SIGLEC11: variants seen among roughly 807,000 people sequenced by gnomAD.
The protein encoded by SIGLEC11 is sialic acid binding Ig like lectin 11.
Under a neutral mutation model 61.2 loss-of-function variants are expected in SIGLEC11, and 47 were observed. The observed-to-expected ratio is 0.77, with a 90% confidence interval of 0.61 to 0.98. The LOEUF is 0.98. SIGLEC11 is among the 50% of genes least tolerant of loss of function. The pLI is 0.00. For synonymous variants in SIGLEC11, 278 were observed against 373.1 expected, an observed-to-expected ratio of 0.75 and a Z score of 2.94; for missense variants, 610 against 870.3, an observed-to-expected ratio of 0.70 and a Z score of 3.76.
In SIGLEC11 at chr19:49,951,762, T is replaced by C. The variant is rs1166180719; in HGVS notation, c.1830+129A>G. The stretch of plus-strand genomic sequence containing the variant: ...CCAGATCATGGGACTTGGGACTGCA[T>C]TGATGGGGACCCAGGAGCAAAACCC... On this transcript the variant is annotated intron_variant, in intron 10 of 10. Coordinates refer to ENST00000447370, the MANE Select transcript of SIGLEC11 (RefSeq NM_052884.3). This position sits in a 1 kb window ranked among gnomAD's most constrained non-coding sequence, Gnocchi z 4.6. 6 of 751,908 alleles carry C rather than the reference T, an allele frequency of 8.0e-6. No individual in the cohort carries two copies. Among genetic ancestry groups the C allele is most frequent in the Non-Finnish European group, 1.2e-5 (6 of 490,232 alleles). 46.6% of individuals were successfully genotyped at this position (751,908 alleles called of 1,614,324 possible).
At position 49,950,025 on chromosome 19, in the gene SIGLEC11, C is replaced by T. The variant is rs373704230; in HGVS notation, c.2042G>A (p.Gly681Asp). Residue 681 changes from glycine to aspartate, a missense_variant, in exon 11 of 11, where the codon GGC (glycine) becomes GAC (aspartate). Gly to Asp is a moderately conservative substitution (Grantham distance 94, BLOSUM62 -1). This residue lies in a region of SIGLEC11 where 432 missense variants were observed against 441.5 expected (regional missense o/e 0.98). Coordinates refer to ENST00000447370, the MANE Select transcript of SIGLEC11 (RefSeq NM_052884.3). Reference sequence around the variant, plus strand: ...CTCCAATTGAAGCCCAAAGCCTGGGCCCCTCAGGGGCTGTCCTGTGTGGAT... The same window carrying T: ...CTCCAATTGAAGCCCAAAGCCTGGGTCCCTCAGGGGCTGTCCTGTGTGGAT... Reference protein sequence around the residue: ...IKIHTGQPLRGPGFGLQLERE... With the variant: ...IKIHTGQPLRDPGFGLQLERE... The T allele has an allele frequency of 4.3e-5, 66 of 1,545,666 alleles. 1 individual carries two copies. The African/African-American group carries it at 8.6e-4, about 20-fold the overall frequency.
At chr19:49,958,952 C>T in intron 6 of SIGLEC11, 52 bp from the exon 7 acceptor site, 2 of 1,612,638 alleles carry the variant, frequency 1.2e-6, no homozygotes, top group East Asian at 2.2e-5. Context: ...CAGGGACCCT[C>T]CTGTGTGGGG....
At chr19:49,954,443 TGAGCTATGCAAATGCCTGCTC>T (rs1049227926) in intron 8 of SIGLEC11, among the ~76,000 whole-genome samples, 2 of 152,162 alleles carry the variant, frequency 1.3e-5, no homozygotes, top group Non-Finnish European at 2.9e-5. Context: ...TGGCCGTGCT[TGAGCTATGCAAATGCCTGCTC>T]GAGCTATGCA....
rs1262731599 is a variant in SIGLEC11, at chr19:49,950,137, A to T, written c.1930T>A (p.Tyr644Asn). The T allele has an allele frequency of 1.9e-6, 3 of 1,612,992 alleles. No homozygotes were observed. The East Asian group carries it at 6.7e-5, about 36-fold the overall frequency. ...AGGCCCTGGAAGCTGAGGGAGGCAT[A>T]GTGGAGCTCCTGCTCTTCCCCCTTC... ...PGKGEEQELH[Y>N]ASLSFQGLRL... Residue 644 changes from tyrosine (Y) to asparagine (N), a missense_variant, in exon 11 of 11, where the codon TAT (tyrosine) becomes AAT (asparagine). Around this residue, in one of 6 missense-constraint regions of SIGLEC11, gnomAD observed 432 missense variants for 441.5 expected, o/e 0.98. Transcript: ENST00000447370.
chr19:49,951,055 G>A lies in SIGLEC11; in HGVS notation c.1831-819C>T, dbSNP rs1382641725. Among the ~76,000 whole-genome samples the A allele has an allele frequency of 6.6e-6, 1 of 152,216 alleles. No homozygotes were observed. Among genetic ancestry groups the A allele is most frequent in the East Asian group, 1.9e-4 (1 of 5,196 alleles). On this transcript the variant is annotated intron_variant, in intron 10 of 10. Coordinates refer to ENST00000447370, the MANE Select transcript of SIGLEC11 (RefSeq NM_052884.3). This position sits in a 1 kb window ranked among gnomAD's most constrained non-coding sequence, Gnocchi z 4.6. Reference sequence around the variant, plus strand: ...CATCCCTGTTGACCTGGGACCACAAGCCAGGCCACATAGTTTACGCCAGCA... The same window carrying A: ...CATCCCTGTTGACCTGGGACCACAAACCAGGCCACATAGTTTACGCCAGCA...
At chr19:49,952,046 AGCAGAGGCTGGAAGGCT>A in intron 9 of SIGLEC11, 74 bp from the exon 10 acceptor site, 1 of 1,453,986 alleles carries the variant, frequency 6.9e-7, no homozygotes, top group Non-Finnish European at 9.2e-7. Flanking sequence ...CACATGGCTT[AGCAGAGGCTGGAAGGCT>A]GCAGAGCCCA....
rs200783764 is a variant in SIGLEC11, at chr19:49,958,926, C to T, written c.1106-26G>A. ...CTAGGGAAGGAAGAGGCAGAATCGA[C>T]GTGCAGCTCAGGGCTCAGGGACCCT... On this transcript the variant is annotated intron_variant, in intron 6 of 10. Coordinates refer to ENST00000447370, the MANE Select transcript of SIGLEC11 (RefSeq NM_052884.3). 8,167 of 1,604,784 alleles carry T rather than the reference C, an allele frequency of 5.1e-3. 25 individuals carry two copies. Among genetic ancestry groups the T allele is most frequent in the Non-Finnish European group, 6.2e-3 (7,304 of 1,174,594 alleles).
rs773149758 is a variant in SIGLEC11 at position 49,959,427 on chromosome 19, C to T, written c.990G>A (p.Gly330=). The T allele has an allele frequency of 1.9e-6, 3 of 1,596,778 alleles. No homozygotes were observed. In the Admixed American group the frequency reaches 5.1e-5, roughly 27 times the overall value. Residue 330 remains glycine (G), a synonymous_variant, in exon 5 of 11, where the codon GGG becomes GGA. Transcript: ENST00000447370. Reference sequence around the variant, plus strand: ...TGTTCTCCGCTCGGCAGGTGTAGCGCCCTGAATCCCCGGCCCTTACCCCAC... The same window carrying T: ...TGTTCTCCGCTCGGCAGGTGTAGCGTCCTGAATCCCCGGCCCTTACCCCAC... ...ELRGVRAGDS[G]RYTCRAENRL...
At position 49,958,781 on chromosome 19, in the gene SIGLEC11, T is replaced by A. The variant is rs754522711; in HGVS notation, c.1225A>T (p.Thr409Ser). ...ARLSWTRWGQ[T>S]VGPSQPSDPG... is the part of the protein sequence containing the mutation. ...TCTGAGGGCTGGGAGGGGCCCACGGTCTGTCCCCACCGGGTCCAGCTCAGC... is the reference window on the plus strand; with the variant it reads ...TCTGAGGGCTGGGAGGGGCCCACGGACTGTCCCCACCGGGTCCAGCTCAGC... Residue 409 changes from threonine to serine, a missense_variant, in exon 7 of 11, where the codon ACC (threonine) becomes TCC (serine). Physicochemically the swap from Thr to Ser is moderately conservative, Grantham distance 58. Around this residue, in one of 6 missense-constraint regions of SIGLEC11, gnomAD observed 432 missense variants for 441.5 expected, o/e 0.98. Coordinates refer to ENST00000447370, the MANE Select transcript of SIGLEC11 (RefSeq NM_052884.3). 2.1e-5 allele frequency: 34 copies of A among 1,613,626 alleles called. No individual in the cohort carries two copies. The highest frequency in any genetic ancestry group is 2.9e-5 in the Non-Finnish European group (34 of 1,179,858).
Position 49,959,035 on chromosome 19 carries a change from C to T in SIGLEC11, c.1100G>A (p.Arg367Lys), listed in dbSNP as rs372082287. ...TCCTCTGTCTCCTTTCCTACCTGTCCTGTTTGCTTGGGAAACCATCACTCT... is the reference window on the plus strand; with the variant it reads ...TCCTCTGTCTCCTTTCCTACCTGTCTTGTTTGCTTGGGAAACCATCACTCT... ...NLRVMVSQAN[R>K]TVLENLGNGT... Residue 367 changes from arginine (R) to lysine (K), a missense_variant, in exon 6 of 11, where the codon AGG (arginine) becomes AAG (lysine). Physicochemically the swap from Arg to Lys is conservative, Grantham distance 26 (BLOSUM62 2). Transcript: ENST00000447370. The T allele has an allele frequency of 3.7e-6, 6 of 1,613,916 alleles. No individual in the cohort carries two copies. Among genetic ancestry groups the T allele is most frequent in the Non-Finnish European group, 4.2e-6 (5 of 1,179,844 alleles).
chr19:49,960,732 C>G lies in SIGLEC11; in HGVS notation c.280G>C (p.Glu94Gln), dbSNP rs201837923. The G allele has an allele frequency of 6.2e-7, 1 of 1,612,978 alleles. No individual in the cohort carries two copies. Among genetic ancestry groups the G allele is most frequent in the Non-Finnish European group, 8.5e-7 (1 of 1,179,982 alleles). Reference protein sequence around the residue: ...APVATNNQSREVEMSTRDRFQ... With the variant: ...APVATNNQSRQVEMSTRDRFQ... The stretch of plus-strand genomic sequence containing the variant: ...CGGTCCCGGGTGCTCATTTCCACCT[C>G]TCGACTCTGGTTGTTAGTGGCCACA... Residue 94 changes from glutamate (E) to glutamine (Q), a missense_variant, in exon 2 of 11, where the codon GAG becomes CAG. This residue lies in a region of SIGLEC11 where 99 missense variants were observed against 131.6 expected (regional missense o/e 0.75). Transcript: ENST00000447370.
chr19:49,950,793 G>A (rs534750503), intron 10 of SIGLEC11, among the ~76,000 whole-genome samples: 2 of 152,182 alleles, frequency 1.3e-5, no homozygotes, highest in Admixed American at 6.5e-5. Context: ...AATTATAAGT[G>A]GATGCCCAGG....
chr19:49,952,471 G>A (rs2076165329), intron 8 of SIGLEC11, 77 bp from the exon 9 acceptor site: 4 of 1,049,368 alleles, frequency 3.8e-6, no homozygotes, highest in Non-Finnish European at 5.5e-6. Flanking sequence ...CAGACCTAGA[G>A]CTCTCGGATT....
chr19:49,951,757 C>T lies in SIGLEC11; in HGVS notation c.1830+134G>A. The T allele has an allele frequency of 1.4e-6, 1 of 698,546 alleles. No homozygotes were observed. The highest frequency in any genetic ancestry group is 2.2e-6 in the Non-Finnish European group (1 of 445,792). 43.3% of individuals were successfully genotyped at this position (698,546 alleles called of 1,614,324 possible). On this transcript the variant is annotated intron_variant, in intron 10 of 10. Transcript: ENST00000447370. The surrounding 1 kb of genome is among the most constrained non-coding windows in gnomAD (Gnocchi z 4.6). ...GCCTCCCAGATCATGGGACTTGGGA[C>T]TGCATTGATGGGGACCCAGGAGCAA...
At chr19:49,952,498 G>A (rs1014550367) in intron 8 of SIGLEC11, 104 bp from the exon 9 acceptor site, 14 of 737,050 alleles carry the variant, frequency 1.9e-5, no homozygotes, top group Non-Finnish European at 2.6e-5. Context: ...CCCCAACTGA[G>A]GCAGAAATTT....
Position 49,960,394 on chromosome 19 carries a change from A to T in SIGLEC11, c.488T>A (p.Ile163Asn). The T allele has an allele frequency of 6.3e-7, 1 of 1,596,592 alleles. No homozygotes were observed. Among genetic ancestry groups the T allele is most frequent in the Non-Finnish European group, 8.5e-7 (1 of 1,178,512 alleles). The change falls in exon 3 of 11, where the codon ATC (isoleucine) becomes AAC (asparagine). Residue 163 changes from isoleucine to asparagine, a missense_variant. Coordinates refer to ENST00000447370, the MANE Select transcript of SIGLEC11 (RefSeq NM_052884.3). ...TALTKKPDVY[I>N]PETLEPGQPV... is the part of the protein sequence containing the mutation. The stretch of plus-strand genomic sequence containing the variant: ...CTGCCCGGGCTCCAGGGTCTCGGGG[A>T]TGTAGACATCAGGCTTCTTAGTCAG...
rs768523678 is a variant in SIGLEC11 at position 49,960,707 on chromosome 19, C to T, written c.305G>A (p.Arg102Gln). 8.1e-6 allele frequency: 13 copies of T among 1,611,468 alleles called. No homozygotes were observed. The highest frequency in any genetic ancestry group is 1.7e-5 in the Admixed American group (1 of 59,854). ...SREVEMSTRD[R>Q]FQLTGDPGKG... ...GCCGGGATCCCCAGTGAGCTGGAATCGGTCCCGGGTGCTCATTTCCACCTC... is the reference window on the plus strand; with the variant it reads ...GCCGGGATCCCCAGTGAGCTGGAATTGGTCCCGGGTGCTCATTTCCACCTC... Residue 102 changes from arginine (R) to glutamine (Q), a missense_variant, in exon 2 of 11, where the codon CGA becomes CAA. Physicochemically the swap from Arg to Gln is conservative, Grantham distance 43. Around this residue, in one of 6 missense-constraint regions of SIGLEC11, gnomAD observed 99 missense variants for 131.6 expected, o/e 0.75. Coordinates refer to ENST00000447370, the MANE Select transcript of SIGLEC11 (RefSeq NM_052884.3).
At chr19:49,958,601 G>C (rs992091553) in intron 7 of SIGLEC11, 31 bp from the exon 8 acceptor site, 15 of 1,566,380 alleles carry the variant, frequency 9.6e-6, no homozygotes, top group Non-Finnish European at 1.3e-5. Flanking sequence ...ACTCAGCAGG[G>C]GCCCCTTCCT....
intron 8 of SIGLEC11, among the ~76,000 whole-genome samples, chr19:49,954,299 T>A (rs1397079258): frequency 2.0e-5 from 3 of 152,082 alleles, no homozygotes; most frequent in Admixed American, 6.6e-5. Context: ...CTACCCCCCT[T>A]TACTGAGGCC....
Sources: gnomAD v4.1 joint callset for allele counts (sites outside exome capture counted in the v4.1 genomes callset) on GRCh38, gnomAD v4.1.1 for gene constraint, gnomAD v4.1.1 regional missense constraint, Gnocchi (gnomAD v3.1) non-coding constraint, MANE v1.5 for transcripts, NCBI Gene and HGNC (gene_info 2026-07-23, HGNC 2026-07-21) for gene names.